Variants in TLE2 observed in about 807,000 individuals in gnomAD.
The protein encoded by TLE2 is TLE family member 2, transcriptional corepressor.
A neutral mutation model predicts 97.2 loss-of-function variants in TLE2; 74 were observed. The observed-to-expected ratio is 0.76, with a 90% CI of 0.63 to 0.92. The LOEUF (loss-of-function observed/expected upper bound fraction) is 0.92. Ranked by LOEUF, TLE2 falls within the 40% of genes least tolerant of loss-of-function variation. The pLI is 0.00. For missense variants in TLE2, 1,038 were observed against 1,008.7 expected (o/e 1.03, Z -0.39); for synonymous variants, 499 against 432.1 (o/e 1.15, Z -1.92).
At chr19:3,045,571 C>T (rs776845562) in intron 1 of TLE2, among the ~76,000 whole-genome samples, 24 of 152,178 alleles carry the variant, frequency 1.6e-4, no homozygotes, top group Non-Finnish European at 3.1e-4. Context: ...AATCCCAACA[C>T]TTTGGGAGGC....
intron 15 of TLE2, 52 bp downstream of exon 15, chr19:3,006,367 TA>T: frequency 6.3e-7 from 1 of 1,579,362 alleles, no homozygotes; most frequent in Non-Finnish European, 8.6e-7. Flanking sequence ...CATTGGAACA[TA>T]AGCCCCACCC....
rs371939928 is a variant in TLE2, at chr19:3,005,923, G to A, written c.1546C>T (p.Arg516Trp). The change falls in exon 16 of 20, where the codon CGG becomes TGG. Residue 516 changes from arginine to tryptophan, a missense_variant. Coordinates refer to ENST00000262953, the MANE Select transcript of TLE2 (RefSeq NM_003260.5). The part of the protein sequence containing the change: ...IRSCKLLPDG[R>W]SLIVGGEAST... ...GCCTCACCGCCCACGATCAGACTCC[G>A]GCCATCCGGCAGCAACTTGCAGGAA... 1.9e-6 allele frequency: 3 copies of A among 1,611,712 alleles called. No homozygotes were observed. The highest frequency in any genetic ancestry group is 2.5e-6 in the Non-Finnish European group (3 of 1,178,138).
At chr19:3,015,806 G>T in intron 8 of TLE2, 46 bp from the exon 9 acceptor site, 1 of 1,413,490 alleles carries the variant, frequency 7.1e-7, no homozygotes. Flanking sequence ...AGGGCCCTGG[G>T]CTCCTAGATT....
At chr19:3,007,746 C>G (rs1046309102) in intron 14 of TLE2, among the ~76,000 whole-genome samples, 3 of 152,102 alleles carry the variant, frequency 2.0e-5, no homozygotes, top group African/African-American at 7.2e-5. Flanking sequence ...CTAGGAGCCC[C>G]GGCCACCTGT....
intron 5 of TLE2, 115 bp downstream of exon 5, chr19:3,024,905 C>T (rs72988949): frequency 0.025 from 22,067 of 880,278 alleles, 374 homozygotes; most frequent in Non-Finnish European, 0.029. Context: ...GGTCTCTATC[C>T]GTGCTGCAGG....
intron 18 of TLE2, among the ~76,000 whole-genome samples, chr19:3,001,612 C>T (rs1599192748): frequency 1.3e-5 from 2 of 151,628 alleles, no homozygotes; most frequent in Admixed American, 1.3e-4. Flanking sequence ...CAGCCTCCCT[C>T]GTACCTGGCA....
chr19:3,029,899 C>T (rs1471912162), upstream of TLE2, among the ~76,000 whole-genome samples: 2 of 152,056 alleles, frequency 1.3e-5, no homozygotes, highest in African/African-American at 2.4e-5. Flanking sequence ...TGGGCTCAAG[C>T]GATCCTTCCC....
chr19:3,029,153 G>A lies in TLE2; in HGVS notation c.-249C>T. Reference sequence around the variant, plus strand: ...GGGGCGGGCAGGGGCAGCGGCCGGGGCGGGAGCGCGGCGAGGGCGGCCGCG... The same window carrying A: ...GGGGCGGGCAGGGGCAGCGGCCGGGACGGGAGCGCGGCGAGGGCGGCCGCG... On this transcript the variant is annotated 5_prime_UTR_variant, in exon 1 of 20. Coordinates refer to ENST00000262953, the MANE Select transcript of TLE2 (RefSeq NM_003260.5). The A allele has an allele frequency of 2.1e-6, 2 of 931,284 alleles. No individual in the cohort carries two copies. Among genetic ancestry groups the A allele is most frequent in the African/African-American group, 1.8e-5 (1 of 55,850 alleles). The allele number at this position is 931,284 out of a possible 1,614,324, so 57.7% of individuals were successfully genotyped here.
intron 17 of TLE2, 138 bp downstream of exon 17, chr19:3,005,299 G>A: frequency 3.3e-6 from 4 of 1,206,408 alleles, no homozygotes; most frequent in Non-Finnish European, 4.5e-6. Flanking sequence ...GATGTGTCTG[G>A]GGGACAAGAA....
rs751610819 is a variant in TLE2 at position 3,019,514 on chromosome 19, G to A, written c.370-51C>T. On this transcript the variant is annotated intron_variant, in intron 6 of 19. Transcript: ENST00000262953. This position sits in a 1 kb window ranked among gnomAD's most constrained non-coding sequence, Gnocchi z 5.1. Reference sequence around the variant, plus strand: ...CGGGGCGGGGGGCGGCAGGAGCCCAGCGGTCCCCAGCCCAAGAGGTAGACA... The same window carrying A: ...CGGGGCGGGGGGCGGCAGGAGCCCAACGGTCCCCAGCCCAAGAGGTAGACA... 6.7e-6 allele frequency: 10 copies of A among 1,481,536 alleles called. No homozygotes were observed. The highest frequency in any genetic ancestry group is 8.9e-6 in the Non-Finnish European group (10 of 1,118,772). The allele number at this position is 1,481,536 out of a possible 1,614,324, so 91.8% of individuals were successfully genotyped here.
intron 7 of TLE2, 105 bp from the exon 8 acceptor site, chr19:3,017,964 C>T (rs2089750182): frequency 2.0e-6 from 2 of 992,178 alleles, no homozygotes; most frequent in East Asian, 2.6e-5. Flanking sequence ...GCCCCCCGCC[C>T]CCACCACCCC....
intron 8 of TLE2, among the ~76,000 whole-genome samples, chr19:3,016,501 A>C (rs1453708167): frequency 2.7e-5 from 4 of 148,566 alleles, no homozygotes; most frequent in Admixed American, 2.0e-4. Flanking sequence ...GAGGCAGGAG[A>C]ATCACTTGAA....
chr19:3,040,581 C>T (rs554938172), intron 1 of TLE2, among the ~76,000 whole-genome samples: 1 of 152,130 alleles, frequency 6.6e-6, no homozygotes, highest in African/African-American at 2.4e-5. Flanking sequence ...TCAAGGGATC[C>T]TCCTGCCTCG....
At chr19:3,025,543 G>A in intron 4 of TLE2, 1 of 989,862 alleles carries the variant, frequency 1.0e-6, no homozygotes, top group South Asian at 4.7e-5. Context: ...CCGCTTCCCA[G>A]GACTGATCTA....
At position 3,043,420 on chromosome 19, in the gene TLE2, G is replaced by A. The variant is rs1423655822; in HGVS notation, c.63+2306C>T. On this transcript the variant is annotated intron_variant, in intron 1 of 18. Transcript: ENST00000426948. ...TCTCGAACGCCTAACCTCGTGATCC[G>A]CCCGCTTCAGCCTCCCAAAGTGCTG... Among the ~76,000 whole-genome samples, 35 of 114,954 alleles carry A rather than the reference G, an allele frequency of 3.0e-4. 1 individual carries two copies. Among genetic ancestry groups the A allele is most frequent in the African/African-American group, 1.2e-3 (34 of 28,706 alleles). The allele number at this position is 114,954 out of a possible 152,430, so 75.4% of individuals were successfully genotyped here.
intron 14 of TLE2, among the ~76,000 whole-genome samples, chr19:3,006,926 G>A (rs2089492030): frequency 6.6e-6 from 1 of 152,082 alleles, no homozygotes; most frequent in Non-Finnish European, 1.5e-5. Flanking sequence ...GGGATTACAG[G>A]CATGCGCCAC....
At chr19:3,041,013 ATTTTTTTTTT>A (rs1168699418) in intron 1 of TLE2, among the ~76,000 whole-genome samples, 17 of 28,966 alleles carry the variant, frequency 5.9e-4, no homozygotes, top group African/African-American at 1.9e-3. Context: ...ATATATATAT[ATTTTTTTTTT>A]TTTTTTTTTT....
chr19:3,000,626 G>C, intron 19 of TLE2, 21 bp downstream of exon 19: 2 of 1,566,156 alleles, frequency 1.3e-6, no homozygotes, highest in Non-Finnish European at 8.6e-7. Flanking sequence ...GCCAGAGTGG[G>C]GGCTCCAGAC....
chr19:3,027,409 AC>A (rs1253932228), intron 4 of TLE2, among the ~76,000 whole-genome samples: 4 of 152,192 alleles, frequency 2.6e-5, no homozygotes, highest in Non-Finnish European at 5.9e-5. Flanking sequence ...CAGCAACAGA[AC>A]CTGGGGTCCA....
Sources: gnomAD v4.1 joint callset for allele counts (sites outside exome capture counted in the v4.1 genomes callset) on GRCh38, gnomAD v4.1.1 for gene constraint, Gnocchi (gnomAD v3.1) non-coding constraint, MANE v1.5 for transcripts, NCBI Gene and HGNC (gene_info 2026-07-23, HGNC 2026-07-21) for gene names.